Variants in ITPR1 observed in about 807,000 individuals in gnomAD.
ITPR1 encodes inositol 1,4,5-trisphosphate receptor type 1.
Under a neutral mutation model 318.4 loss-of-function variants are expected in ITPR1, and 96 were observed. The observed-to-expected ratio is 0.30, with a 90% CI of 0.26 to 0.36. The LOEUF is 0.36. Ranked by LOEUF, ITPR1 falls within the 10% of genes least tolerant of loss-of-function variation. ITPR1 has a pLI of 1.00. For missense variants in ITPR1, 2,440 were observed against 3,460.2 expected (o/e 0.71, Z 7.40); for synonymous variants, 1,312 against 1,289.9 (o/e 1.02, Z -0.37).
At chr3:4,719,851 A>T (rs1479451947) in intron 40 of ITPR1, among the ~76,000 whole-genome samples, 1 of 151,994 alleles carries the variant, frequency 6.6e-6, no homozygotes, top group Non-Finnish European at 1.5e-5. Flanking sequence ...GTTTTTTGGC[A>T]AGCAAAGAGG....
intron 4 of ITPR1, among the ~76,000 whole-genome samples, chr3:4,610,344 A>G (rs1258359849): frequency 6.6e-6 from 1 of 151,994 alleles, no homozygotes; most frequent in Non-Finnish European, 1.5e-5. Context: ...GCAGCACACA[A>G]GCACTTAATA....
chr3:4,541,947 G>A (rs561268668), intron 4 of ITPR1, among the ~76,000 whole-genome samples: 4 of 151,918 alleles, frequency 2.6e-5, no homozygotes, highest in African/African-American at 7.3e-5. Context: ...TTTTAATCTC[G>A]CCATCTTTTT....
chr3:4,600,884 G>A (rs751831284), intron 4 of ITPR1, among the ~76,000 whole-genome samples: 1 of 152,188 alleles, frequency 6.6e-6, no homozygotes, highest in Non-Finnish European at 1.5e-5. Flanking sequence ...TTTGTTGATT[G>A]TGTGGGGACA....
At chr3:4,600,083 T>C (rs914117594) in intron 4 of ITPR1, among the ~76,000 whole-genome samples, 6 of 152,362 alleles carry the variant, frequency 3.9e-5, no homozygotes, top group Non-Finnish European at 1.5e-5. Flanking sequence ...GCAAGTCTTC[T>C]CTTTTGCCCG....
intron 37 of ITPR1, among the ~76,000 whole-genome samples, chr3:4,709,127 G>A (rs966424886): frequency 6.6e-6 from 1 of 152,162 alleles, no homozygotes; most frequent in Non-Finnish European, 1.5e-5. Context: ...TATTGACTGG[G>A]TGCTTCCAAA....
intron 4 of ITPR1, among the ~76,000 whole-genome samples, chr3:4,622,645 C>T (rs1176769815): frequency 2.0e-5 from 3 of 152,100 alleles, no homozygotes; most frequent in African/African-American, 7.2e-5. Context: ...CATCTCTTGA[C>T]CTCGTGATCC....
chr3:4,640,463 G>T (rs995620792), intron 6 of ITPR1, among the ~76,000 whole-genome samples: 6 of 152,138 alleles, frequency 3.9e-5, no homozygotes, highest in Admixed American at 2.0e-4. Flanking sequence ...TCTTCAGAAT[G>T]GACACAGGTG....
intron 4 of ITPR1, among the ~76,000 whole-genome samples, chr3:4,609,067 TATATATATATATATATATATATAC>T (rs1452397541): frequency 1.1e-5 from 1 of 87,202 alleles, no homozygotes; most frequent in African/African-American, 4.7e-5. Context: ...TATATATATA[TATATATATATATATATATATATAC>T]ACACACACGT....
rs1298214860 is a variant in ITPR1 at position 4,795,777 on chromosome 3, C to G, written c.6931+590C>G. The stretch of plus-strand genomic sequence containing the variant: ...ATGATTATGGTCTTTCTGGGTTCCC[C>G]CCAGCCTACCTCCTTCCAGGCTACA... On this transcript the variant is annotated intron_variant, in intron 53 of 61. Transcript: ENST00000649015. Among the ~76,000 whole-genome samples, 5 of 152,188 alleles carry G rather than the reference C, an allele frequency of 3.3e-5. No homozygotes were observed. The East Asian group carries it at 9.6e-4, about 29-fold the overall frequency.
intron 26 of ITPR1, among the ~76,000 whole-genome samples, chr3:4,682,829 C>A (rs982747524): frequency 1.3e-5 from 2 of 152,070 alleles, no homozygotes; most frequent in Non-Finnish European, 2.9e-5. Flanking sequence ...AGGTGCAGAC[C>A]CAATAATTGA....
intron 52 of ITPR1, among the ~76,000 whole-genome samples, chr3:4,792,056 A>G (rs1217218979): frequency 6.6e-6 from 1 of 152,182 alleles, no homozygotes; most frequent in East Asian, 1.9e-4. Flanking sequence ...CAGCTGCTAG[A>G]GGCTACCTGT....
chr3:4,739,913 T>G (rs2043575166), intron 44 of ITPR1, among the ~76,000 whole-genome samples: 1 of 152,158 alleles, frequency 6.6e-6, no homozygotes, highest in African/African-American at 2.4e-5. Context: ...AGTGCCTTGG[T>G]TCTCTGTGTG....
At chr3:4,807,107 GGGGCTT>G (rs1317438513) in intron 55 of ITPR1, among the ~76,000 whole-genome samples, 1 of 15,772 alleles carries the variant, frequency 6.3e-5, no homozygotes, top group Non-Finnish European at 1.5e-4. Flanking sequence ...CAAAGAGAGG[GGGGCTT>G]ACAAAGAGAG....
chr3:4,625,259 T>G (rs1189932992), intron 4 of ITPR1, among the ~76,000 whole-genome samples: 2 of 151,784 alleles, frequency 1.3e-5, no homozygotes, highest in Non-Finnish European at 2.9e-5. Flanking sequence ...GGTATTTGTG[T>G]ATGCAGTACA....
chr3:4,813,043 A>T (rs2049040998), intron 56 of ITPR1, 99 bp from the exon 57 acceptor site: 1 of 842,162 alleles, frequency 1.2e-6, no homozygotes, highest in East Asian at 2.4e-5. Context: ...GGTGTTATTT[A>T]TGTAAAGAAT....
Position 4,669,792 on chromosome 3 carries a change from T to A in ITPR1, c.2006+19T>A. 1 of 1,596,408 alleles carries A rather than the reference T, an allele frequency of 6.3e-7. No homozygotes were observed. The highest frequency in any genetic ancestry group is 1.1e-5 in the South Asian group (1 of 88,282). On this transcript the variant is annotated intron_variant, in intron 19 of 61. Coordinates refer to ENST00000649015, the MANE Select transcript of ITPR1 (RefSeq NM_001378452.1). Reference sequence around the variant, plus strand: ...AGACCAAGTGAGTGGGGAGCCAGGGTTTAGATGGAAAACATGGGGTTCATT... The same window carrying A: ...AGACCAAGTGAGTGGGGAGCCAGGGATTAGATGGAAAACATGGGGTTCATT...
At chr3:4,602,236 C>T (rs576942761) in intron 4 of ITPR1, among the ~76,000 whole-genome samples, 6 of 152,264 alleles carry the variant, frequency 3.9e-5, no homozygotes, top group Middle Eastern at 3.4e-3. Flanking sequence ...AACTTGTACA[C>T]GAGCCAGGTG....
chr3:4,522,249 G>A (rs304017), intron 4 of ITPR1, among the ~76,000 whole-genome samples: 12,950 of 152,140 alleles, frequency 0.085, 612 homozygotes, highest in Non-Finnish European at 0.11. Context: ...CAGCCAGGGC[G>A]GAAAACCACT....
intron 61 of ITPR1, among the ~76,000 whole-genome samples, chr3:4,840,000 A>G: frequency 6.8e-6 from 1 of 147,020 alleles, no homozygotes; most frequent in Non-Finnish European, 1.5e-5. Context: ...TAAGGTACTC[A>G]GAATTACAGG....
Sources: allele counts gnomAD v4.1 joint callset (sites outside exome capture counted in the v4.1 genomes callset), GRCh38; gene constraint gnomAD v4.1.1; transcripts MANE v1.5; gene names NCBI Gene and HGNC (gene_info 2026-07-23, HGNC 2026-07-21).